Variants in SMARCC1 observed in about 807,000 individuals in gnomAD.
SMARCC1 encodes the protein SWI/SNF complex subunit SMARCC1.
SMARCC1 carries 43 observed loss-of-function variants against 147.4 expected under a neutral mutation model. The observed-to-expected ratio is 0.29, with a 90% CI of 0.23 to 0.38. The LOEUF is 0.38. SMARCC1 is among the 10% of genes least tolerant of loss of function. The pLI, the probability that SMARCC1 is intolerant of heterozygous loss-of-function variation, is 1.00. For missense variants in SMARCC1, 1,119 were observed against 1,381.1 expected (o/e 0.81, Z 3.01); for synonymous variants, 495 against 484.4 (o/e 1.02, Z -0.29).
Position 47,686,118 on chromosome 3 carries a change from T to A in SMARCC1, c.1316A>T (p.Glu439Val), listed in dbSNP as rs750015680. The A allele has an allele frequency of 6.2e-7, 1 of 1,611,942 alleles. No homozygotes were observed. Residue 439 changes from glutamate (E) to valine (V), a missense_variant, in exon 14 of 28, where the codon GAA becomes GTA. Glu to Val is a moderately radical substitution (Grantham distance 121, BLOSUM62 -2). Around this residue, in one of 6 missense-constraint regions of SMARCC1, gnomAD observed 542 missense variants for 611.8 expected, o/e 0.89. Coordinates refer to ENST00000254480, the MANE Select transcript of SMARCC1 (RefSeq NM_003074.4). Reference protein sequence around the residue: ...GDQSRSVDLGEDNVTEQTNHI... With the variant: ...GDQSRSVDLGVDNVTEQTNHI... The stretch of plus-strand genomic sequence containing the variant: ...ATTGGTCTGCTCTGTCACATTATCT[T>A]CCCCAAGGTCAACTGATCGACTCTG...
intron 14 of SMARCC1, among the ~76,000 whole-genome samples, 158 bp downstream of exon 14, chr3:47,685,890 AC>A (rs922020715): frequency 6.6e-6 from 1 of 152,076 alleles, no homozygotes; most frequent in African/African-American, 2.4e-5. Context: ...AACAAAAAAC[AC>A]AAACACATTC....
chr3:47,632,228 T>C (rs777986592), intron 24 of SMARCC1, among the ~76,000 whole-genome samples: 5 of 152,154 alleles, frequency 3.3e-5, no homozygotes, highest in Admixed American at 6.6e-5. Context: ...AGGCAAATCT[T>C]TGTGCCCAAA....
chr3:47,717,598 C>CT (rs1491080311), intron 7 of SMARCC1, among the ~76,000 whole-genome samples: 1 of 152,134 alleles, frequency 6.6e-6, no homozygotes, highest in Non-Finnish European at 1.5e-5. Flanking sequence ...GGGTCTCACT[C>CT]TGTTGCCCAG....
chr3:47,721,978 C>T (rs2034237825), intron 6 of SMARCC1, among the ~76,000 whole-genome samples: 1 of 152,298 alleles, frequency 6.6e-6, no homozygotes, highest in East Asian at 1.9e-4. Context: ...TTAATAAGTA[C>T]ACTCTTGCAC....
At chr3:47,605,329 T>C (rs1400295251) in intron 26 of SMARCC1, among the ~76,000 whole-genome samples, 1 of 152,184 alleles carries the variant, frequency 6.6e-6, no homozygotes, top group African/African-American at 2.4e-5. Context: ...CTATTCATAA[T>C]AACTAAAATC....
Position 47,714,414 on chromosome 3 carries a change from C to T in SMARCC1, c.792+1G>A. On this transcript the variant is annotated splice_donor_variant, in intron 8 of 27. Coordinates refer to ENST00000254480, the MANE Select transcript of SMARCC1 (RefSeq NM_003074.4). LOFTEE classifies it high-confidence loss of function. ...AAGATTTTTTTTGTTAAATCATTTA[C>T]CTTCCATGGTTTTTCTGGAATTGGT... 6.4e-7 allele frequency: 1 copy of T among 1,552,636 alleles called. No individual in the cohort carries two copies. Among genetic ancestry groups the T allele is most frequent in the Non-Finnish European group, 8.9e-7 (1 of 1,129,774 alleles).
At chr3:47,697,286 G>A (rs1293003452) in intron 11 of SMARCC1, among the ~76,000 whole-genome samples, 1 of 151,438 alleles carries the variant, frequency 6.6e-6, no homozygotes, top group Non-Finnish European at 1.5e-5. Context: ...CTGGGCGAAA[G>A]AGCGAGAGAT....
rs116422839 is a variant in SMARCC1 at position 47,675,343 on chromosome 3, G to A, written c.1839+132C>T. 1.6e-3 allele frequency: 838 copies of A among 516,386 alleles called. 6 individuals carry two copies. Among genetic ancestry groups the A allele is most frequent in the African/African-American group, 0.013 (670 of 50,780 alleles). The allele number at this position is 516,386 out of a possible 1,614,324, so 32.0% of individuals were successfully genotyped here. A position where few individuals can be genotyped will look rare whatever the true frequency, so the allele number is the denominator to read the frequency against. On this transcript the variant is annotated intron_variant, in intron 18 of 27. Transcript: ENST00000254480. Reference sequence around the variant, plus strand: ...AATACCTATCTACTAAGTCATATAGGAATATAAAAGGTAAGATAAATCATA... The same window carrying A: ...AATACCTATCTACTAAGTCATATAGAAATATAAAAGGTAAGATAAATCATA...
At chr3:47,705,641 G>A (rs558941532) in intron 10 of SMARCC1, among the ~76,000 whole-genome samples, 2 of 152,278 alleles carry the variant, frequency 1.3e-5, no homozygotes, top group African/African-American at 4.8e-5. Flanking sequence ...AGCTGCAGGA[G>A]AGATGTCAAT....
intron 22 of SMARCC1, among the ~76,000 whole-genome samples, chr3:47,637,579 G>C (rs1426547343): frequency 6.6e-6 from 1 of 152,154 alleles, no homozygotes; most frequent in Non-Finnish European, 1.5e-5. Context: ...GGATGTGGTG[G>C]CGCGTGGCTG....
At chr3:47,605,131 A>G (rs1014122979) in intron 26 of SMARCC1, among the ~76,000 whole-genome samples, 4 of 152,272 alleles carry the variant, frequency 2.6e-5, no homozygotes, top group African/African-American at 9.6e-5. Flanking sequence ...ACATACTGCT[A>G]GAGTGTAAAC....
chr3:47,614,420 T>G (rs2032608816), intron 25 of SMARCC1, among the ~76,000 whole-genome samples: 2 of 152,198 alleles, frequency 1.3e-5, no homozygotes, highest in African/African-American at 4.8e-5. Context: ...AACAATAGAT[T>G]CAATTGTATG....
intron 25 of SMARCC1, chr3:47,610,562 T>A (rs745853636): frequency 4.0e-5 from 22 of 550,038 alleles, no homozygotes; most frequent in Non-Finnish European, 6.2e-5. Context: ...TCTAAGTCTT[T>A]CCTTGCAATC....
In SMARCC1 at chr3:47,626,450, C is replaced by A. The variant is rs572584859; in HGVS notation, c.2647-4109G>T. Among the ~76,000 whole-genome samples the A allele has an allele frequency of 2.6e-5, 3 of 117,390 alleles. No individual in the cohort carries two copies. The East Asian group carries it at 7.5e-4, about 29-fold the overall frequency. 77.0% of individuals were successfully genotyped at this position (117,390 alleles called of 152,430 possible). A position where few individuals can be genotyped will look rare whatever the true frequency, so the allele number is the denominator to read the frequency against. ...TGTGAGCCACCGTGCCTGGTGAGAC[C>A]CTGTCTTTAAAAAAAAAAAAAAAAG... On this transcript the variant is annotated intron_variant, in intron 24 of 27. Coordinates refer to ENST00000254480, the MANE Select transcript of SMARCC1 (RefSeq NM_003074.4).
intron 22 of SMARCC1, among the ~76,000 whole-genome samples, chr3:47,636,487 G>T: frequency 6.6e-6 from 1 of 152,138 alleles, no homozygotes; most frequent in Non-Finnish European, 1.5e-5. Context: ...AGTAGCTCAC[G>T]CCTGTAATCC....
intron 21 of SMARCC1, among the ~76,000 whole-genome samples, chr3:47,648,339 T>G (rs1349591352): frequency 6.6e-6 from 1 of 152,142 alleles, no homozygotes; most frequent in African/African-American, 2.4e-5. Flanking sequence ...CTACTTTTTT[T>G]TGTGAAGCAT....
At chr3:47,612,947 C>T (rs932784048) in intron 25 of SMARCC1, among the ~76,000 whole-genome samples, 1 of 152,134 alleles carries the variant, frequency 6.6e-6, no homozygotes, top group Non-Finnish European at 1.5e-5. Flanking sequence ...ATGTACTGGC[C>T]TCGTCATGCA....
At chr3:47,778,316 CGTTTTGTTTT>C (rs767058075) in intron 1 of SMARCC1, among the ~76,000 whole-genome samples, 1 of 140,436 alleles carries the variant, frequency 7.1e-6, no homozygotes, top group Admixed American at 7.0e-5. Flanking sequence ...TGTTTTGTTT[CGTTTTGTTTT>C]GAGACAAGGT....
chr3:47,634,471 T>A lies in SMARCC1; in HGVS notation c.2646+719A>T, dbSNP rs551316726. ...TCTTTATTAAAAGATCAAAAACAGTTCAAAATAAAATGATTAGCAATGTTC... is the reference window on the plus strand; with the variant it reads ...TCTTTATTAAAAGATCAAAAACAGTACAAAATAAAATGATTAGCAATGTTC... On this transcript the variant is annotated intron_variant, in intron 24 of 27. Coordinates refer to ENST00000254480, the MANE Select transcript of SMARCC1 (RefSeq NM_003074.4). 4.6e-5 allele frequency among the ~76,000 whole-genome samples: 7 copies of A among 152,264 alleles called. No individual in the cohort carries two copies. In the South Asian group the frequency reaches 1.2e-3, roughly 27 times the overall value.
Sources: gnomAD v4.1 joint callset for allele counts (sites outside exome capture counted in the v4.1 genomes callset) on GRCh38, gnomAD v4.1.1 for gene constraint, gnomAD v4.1.1 regional missense constraint, MANE v1.5 for transcripts, NCBI Gene and HGNC (gene_info 2026-07-23, HGNC 2026-07-21) for gene names.